ANKRD2: variants seen among roughly 807,000 people sequenced by gnomAD.
ANKRD2 encodes the protein ankyrin repeat domain-containing protein 2.
In ANKRD2, 35 loss-of-function variants were observed where a neutral mutation model predicts 37.3. The ratio of observed to expected loss-of-function variants is 0.94; its 90% confidence interval spans 0.72 to 1.24. The LOEUF is 1.24. Ranked by LOEUF, ANKRD2 falls within the 50% of genes most tolerant of loss-of-function variation. ANKRD2 has a pLI of 0.00. For synonymous variants in ANKRD2, 159 were observed against 186.5 expected (o/e 0.85, Z 1.20); for missense variants, 410 against 445.6 (o/e 0.92, Z 0.72).
At chr10:97,572,606 A>G (rs2040771525), upstream of ANKRD2, 1 of 1,402,310 alleles carries the variant, frequency 7.1e-7, no homozygotes, top group Non-Finnish European at 9.5e-7. Context: ...TGGGGGGGCA[A>G]CTGGCTCTGC....
intron 6 of ANKRD2, 140 bp downstream of exon 6, chr10:97,581,554 C>T (rs2040898979): frequency 3.6e-6 from 3 of 829,704 alleles, no homozygotes; most frequent in Admixed American, 2.5e-5. Flanking sequence ...GAAGCTAAAA[C>T]AGTGTCCTAC....
chr10:97,580,719 C>G lies in ANKRD2; in HGVS notation c.457-136C>G, dbSNP rs533400779. On this transcript the variant is annotated intron_variant, in intron 4 of 8. Transcript: ENST00000370655. ...TCTGGATAGAGCATAAGGGAGCTGG[C>G]AGAACACAGAAAACATGGGGGCCAA... The G allele has an allele frequency of 9.1e-6, 6 of 659,342 alleles. No individual in the cohort carries two copies. In the Admixed American group the frequency reaches 1.4e-4, roughly 15 times the overall value. 40.8% of individuals were successfully genotyped at this position (659,342 alleles called of 1,614,324 possible).
In ANKRD2 at chr10:97,577,860, A is replaced by T; in HGVS notation, c.148A>T (p.Lys50Ter). The change falls in exon 2 of 9, where the codon AAG (lysine) becomes TAG (stop). Residue 50 changes from lysine to a stop codon, truncating the protein, a stop_gained. Coordinates refer to ENST00000370655, the MANE Select transcript of ANKRD2 (RefSeq NM_001346793.2). LOFTEE classifies it high-confidence loss of function. Reference protein sequence around the residue: ...PMDLLVLEDEKHHGAQSAALQ... With the variant: ...PMDLLVLEDE ...GGACTTGCTGGTGCTGGAGGATGAG[A>T]AGCACCACGGGGCTCAGAGTGCAGC... 1 of 1,573,506 alleles carries T rather than the reference A, an allele frequency of 6.4e-7. No homozygotes were observed. Among genetic ancestry groups the T allele is most frequent in the Non-Finnish European group, 8.6e-7 (1 of 1,159,540 alleles).
At chr10:97,581,250 G>A (rs1001387327) in intron 5 of ANKRD2, 66 bp from the exon 6 acceptor site, 12 of 1,512,312 alleles carry the variant, frequency 7.9e-6, no homozygotes, top group Non-Finnish European at 1.1e-5. Context: ...TCCTGGCTGG[G>A]GTACATTACC....
upstream of ANKRD2, chr10:97,572,702 G>A (rs1488544335): frequency 1.2e-6 from 2 of 1,601,008 alleles, no homozygotes; most frequent in Non-Finnish European, 1.7e-6. Context: ...TTGGGCCAGT[G>A]AGCTCATGGC....
intron 2 of ANKRD2, 146 bp downstream of exon 2, chr10:97,578,047 C>T: frequency 3.7e-6 from 4 of 1,078,278 alleles, no homozygotes; most frequent in Non-Finnish European, 5.2e-6. Flanking sequence ...CCGCCCCGTC[C>T]CAGAACTACT....
In ANKRD2 at chr10:97,582,428, G is replaced by C. The variant is rs750028407; in HGVS notation, c.753+15G>C. 4.4e-6 allele frequency: 7 copies of C among 1,575,738 alleles called. No individual in the cohort carries two copies. In the South Asian group the frequency reaches 8.0e-5, roughly 18 times the overall value. On this transcript the variant is annotated intron_variant, in intron 7 of 8. Coordinates refer to ENST00000370655, the MANE Select transcript of ANKRD2 (RefSeq NM_001346793.2). ...CCAGAGACAGGGTGAGTGCTAGCCT[G>C]TCCGCTGCTCACCCGCCATGGGTGT...
At chr10:97,576,341 G>C (rs1256435801) in intron 1 of ANKRD2, among the ~76,000 whole-genome samples, 2 of 152,192 alleles carry the variant, frequency 1.3e-5, no homozygotes, top group African/African-American at 4.8e-5. Context: ...ATCACAAAGA[G>C]AGAAGAAGCA....
chr10:97,572,556 C>G, upstream of ANKRD2: 1 of 976,466 alleles, frequency 1.0e-6, no homozygotes, highest in Non-Finnish European at 1.5e-6. Context: ...CACCCCTGCT[C>G]TTGGGACACA....
Position 97,578,478 on chromosome 10 carries a change from T to C in ANKRD2, c.349-20T>C. 3.1e-6 allele frequency: 5 copies of C among 1,593,608 alleles called. No homozygotes were observed. The highest frequency in any genetic ancestry group is 4.3e-6 in the Non-Finnish European group (5 of 1,169,998). On this transcript the variant is annotated intron_variant, in intron 3 of 8. Coordinates refer to ENST00000370655, the MANE Select transcript of ANKRD2 (RefSeq NM_001346793.2). ...TCGGATTGCTGGGACGGCCCGTGAC[T>C]GCTGCGTCCACATCTGCAGACTGGC...
chr10:97,582,539 C>T (rs1160852998), intron 7 of ANKRD2, 65 bp from the exon 8 acceptor site: 3 of 1,576,686 alleles, frequency 1.9e-6, no homozygotes, highest in East Asian at 4.5e-5. Flanking sequence ...TCCAGCCCAC[C>T]TCCCATCACC....
rs2040888862 is a variant in ANKRD2, at chr10:97,580,875, C to T, written c.477C>T (p.His159=). Residue 159 remains histidine (H), a synonymous_variant, in exon 5 of 9, where the codon CAC becomes CAT. Coordinates refer to ENST00000370655, the MANE Select transcript of ANKRD2 (RefSeq NM_001346793.2). ...TCDQFRRTAL[H]RASLEGHMEI... ...GACAGTTCCGTCGGACAGCACTGCA[C>T]CGAGCTTCCCTGGAAGGCCACATGG... is the stretch of plus-strand genomic sequence containing the variant. 2 of 1,611,216 alleles carry T rather than the reference C, an allele frequency of 1.2e-6. No individual in the cohort carries two copies. Among genetic ancestry groups the T allele is most frequent in the Admixed American group, 1.7e-5 (1 of 59,688 alleles).
intron 1 of ANKRD2, 66 bp from the exon 2 acceptor site, chr10:97,577,734 T>C: frequency 7.8e-7 from 1 of 1,289,358 alleles, no homozygotes; most frequent in Non-Finnish European, 1.1e-6. Context: ...GTGTCCTTGG[T>C]GTGGTTGGGG....
At chr10:97,573,184 G>A (rs1005839820) in intron 1 of ANKRD2, among the ~76,000 whole-genome samples, 7 of 152,166 alleles carry the variant, frequency 4.6e-5, no homozygotes, top group African/African-American at 1.7e-4. Flanking sequence ...GGTGCTGCCT[G>A]GGACTTTCAG....
At chr10:97,582,274 C>A in intron 6 of ANKRD2, 41 bp from the exon 7 acceptor site, 1 of 1,519,748 alleles carries the variant, frequency 6.6e-7, no homozygotes, top group Non-Finnish European at 8.9e-7. Context: ...TACCACAGTT[C>A]AGGCCCCGTC....
intron 6 of ANKRD2, among the ~76,000 whole-genome samples, chr10:97,581,657 A>G (rs1036477133): frequency 1.3e-5 from 2 of 152,224 alleles, no homozygotes; most frequent in Non-Finnish European, 2.9e-5. Context: ...GCAGACAAGA[A>G]GGGAAGACAA....
intron 2 of ANKRD2, 96 bp from the exon 3 acceptor site, chr10:97,578,144 G>GGCCCCCCCCCCCCCCCCCCC: frequency 1.0e-5 from 7 of 685,434 alleles, no homozygotes; most frequent in Non-Finnish European, 1.7e-5. Context: ...GGGTCTTCCT[G>GGCCCCCCCCCCCCCCCCCCC]CCCACCCCAC....
intron 1 of ANKRD2, among the ~76,000 whole-genome samples, chr10:97,574,470 C>T (rs1307689546): frequency 6.6e-6 from 1 of 152,134 alleles, no homozygotes; most frequent in Non-Finnish European, 1.5e-5. Flanking sequence ...GCTGGAAAGA[C>T]ACAAGCCAGA....
At position 97,583,776 on chromosome 10, in the gene ANKRD2, G is replaced by C. The variant is rs776264500; in HGVS notation, c.*51G>C. On this transcript the variant is annotated 3_prime_UTR_variant, in exon 9 of 9. Coordinates refer to ENST00000370655, the MANE Select transcript of ANKRD2 (RefSeq NM_001346793.2). Reference sequence around the variant, plus strand: ...CCCAGCCCCTCTCTGTGTGCAGCCGGAGGGTCCTAAGAATGGCTCCCGGAG... The same window carrying C: ...CCCAGCCCCTCTCTGTGTGCAGCCGCAGGGTCCTAAGAATGGCTCCCGGAG... The C allele has an allele frequency of 6.9e-7, 1 of 1,457,886 alleles. No homozygotes were observed. Among genetic ancestry groups the C allele is most frequent in the African/African-American group, 1.5e-5 (1 of 67,548 alleles). The allele number at this position is 1,457,886 out of a possible 1,614,324, so 90.3% of individuals were successfully genotyped here.
Sources: gnomAD v4.1 joint callset for allele counts (sites outside exome capture counted in the v4.1 genomes callset) on GRCh38, gnomAD v4.1.1 for gene constraint, MANE v1.5 for transcripts, NCBI Gene and HGNC (gene_info 2026-07-23, HGNC 2026-07-21) for gene names.